The following LRRTM4 variants were observed in gnomAD, a reference collection of about 807,000 sequenced individuals.
The protein encoded by LRRTM4 is leucine rich repeat transmembrane neuronal 4, also known as leucine-rich repeat transmembrane neuronal protein 4.
Under a neutral mutation model 47.6 loss-of-function variants are expected in LRRTM4, and 25 were observed. The ratio of observed to expected loss-of-function variants is 0.53; its 90% CI spans 0.38 to 0.73. The LOEUF (loss-of-function observed/expected upper bound fraction) is 0.73, where lower values mean the gene tolerates loss of function less well. LRRTM4 is among the 30% of genes least tolerant of loss of function. The pLI is 0.00. For missense variants in LRRTM4, 638 were observed against 713.4 expected (o/e 0.89, Z 1.20); for synonymous variants, 311 against 269.5 (o/e 1.15, Z -1.51).
At chr2:76,797,586 T>A (rs1675410192) in intron 3 of LRRTM4, among the ~76,000 whole-genome samples, 1 of 151,286 alleles carries the variant, frequency 6.6e-6, no homozygotes, top group Non-Finnish European at 1.5e-5. Context: ...GCTAACATCA[T>A]AATGACAGGA....
At chr2:77,021,106 C>CTGTG (rs1678252102) in intron 3 of LRRTM4, among the ~76,000 whole-genome samples, 1 of 117,400 alleles carries the variant, frequency 8.5e-6, no homozygotes. Context: ...ATCTATCTAT[C>CTGTG]TATGTATCTA....
chr2:76,972,634 G>T lies in LRRTM4; in HGVS notation c.1552-223718C>A, dbSNP rs76833766. Among the ~76,000 whole-genome samples, 155 of 151,910 alleles carry T rather than the reference G, an allele frequency of 1.0e-3. 4 individuals carry two copies. In the East Asian group the frequency reaches 0.029, roughly 29 times the overall value. On this transcript the variant is annotated intron_variant, in intron 3 of 3. Coordinates refer to ENST00000409884, the MANE Select transcript of LRRTM4 (RefSeq NM_001134745.3). ...GGTTTTCACCATATTGGTCAGACTG[G>T]TCGACTCGAACTCCTGACCTCGTGA...
intron 3 of LRRTM4, among the ~76,000 whole-genome samples, chr2:77,451,744 T>C (rs1475036746): frequency 6.6e-6 from 1 of 152,134 alleles, no homozygotes. Context: ...AGGGTGATAA[T>C]TACTTTAAAT....
chr2:77,475,106 T>A (rs565877672), intron 3 of LRRTM4, among the ~76,000 whole-genome samples: 3 of 152,162 alleles, frequency 2.0e-5, no homozygotes, highest in African/African-American at 7.2e-5. Context: ...AGAAAATGTA[T>A]GTTGAGGGGA....
chr2:76,921,444 CT>C (rs769054124), intron 3 of LRRTM4, among the ~76,000 whole-genome samples: 8 of 151,932 alleles, frequency 5.3e-5, no homozygotes, highest in Non-Finnish European at 1.2e-4. Flanking sequence ...GTGAAGTTAC[CT>C]TTCCCCCTTT....
chr2:77,290,070 A>G (rs1202579328), intron 3 of LRRTM4, among the ~76,000 whole-genome samples: 1 of 151,986 alleles, frequency 6.6e-6, no homozygotes, highest in Non-Finnish European at 1.5e-5. Flanking sequence ...CTAAAACAGG[A>G]TAAAAATCAA....
chr2:77,148,203 A>G (rs965668394), intron 3 of LRRTM4, among the ~76,000 whole-genome samples: 2 of 152,160 alleles, frequency 1.3e-5, no homozygotes, highest in Admixed American at 1.3e-4. Context: ...ATAGGTAATT[A>G]GCTTTTCCTT....
chr2:77,411,596 G>A (rs1352662093), intron 3 of LRRTM4, among the ~76,000 whole-genome samples: 2 of 144,824 alleles, frequency 1.4e-5, no homozygotes, highest in African/African-American at 5.2e-5. Context: ...GAGACAACAG[G>A]CCCCCGCCAC....
At chr2:77,079,082 G>C (rs1680443043) in intron 3 of LRRTM4, among the ~76,000 whole-genome samples, 1 of 152,120 alleles carries the variant, frequency 6.6e-6, no homozygotes, top group Non-Finnish European at 1.5e-5. Context: ...TCACATTGAG[G>C]GTCAGGATTT....
In LRRTM4 at chr2:77,276,388, AGGAG is replaced by A. The variant is rs536342544; in HGVS notation, c.1551+241926_1551+241929del. 1.3e-3 allele frequency among the ~76,000 whole-genome samples: 186 copies of A among 138,756 alleles called. 2 individuals carry two copies. The highest frequency in any genetic ancestry group is 4.8e-3 in the African/African-American group (176 of 36,678). The allele number at this position is 138,756 out of a possible 152,430, so 91.0% of individuals were successfully genotyped here. On this transcript the variant is annotated intron_variant, in intron 3 of 3. Coordinates refer to ENST00000409884, the MANE Select transcript of LRRTM4 (RefSeq NM_001134745.3). ...GAGAAGGAAGGAAGGAAGGGAGGGA[AGGAG>A]GGAGGGAGGGGAAAAGAAGGAAGGA...
rs774697360 is a variant in LRRTM4, at chr2:77,306,897, A to ATTTTTTTTTTTTTTTTTTTTTTTTTTTT, written c.1551+211420_1551+211421insAAAAAAAAAAAAAAAAAAAAAAAAAAAA. Among the ~76,000 whole-genome samples, 14 of 112,418 alleles carry ATTTTTTTTTTTTTTTTTTTTTTTTTTTT rather than the reference A, an allele frequency of 1.2e-4. 2 individuals carry two copies. Among genetic ancestry groups the ATTTTTTTTTTTTTTTTTTTTTTTTTTTT allele is most frequent in the East Asian group, 7.8e-4 (3 of 3,842 alleles). 73.8% of individuals were successfully genotyped at this position (112,418 alleles called of 152,430 possible). ...AAATAGCTATATACTGCTTTTCCATATTTTTTTTTTTTTTTTTTTTGAGAT... is the reference window on the plus strand; with the variant it reads ...AAATAGCTATATACTGCTTTTCCATATTTTTTTTTTTTTTTTTTTTTTTTTTTTTTTTTTTTTTTTTTTTTTTTGAGAT... On this transcript the variant is annotated intron_variant, in intron 3 of 3. Coordinates refer to ENST00000409884, the MANE Select transcript of LRRTM4 (RefSeq NM_001134745.3).
intron 3 of LRRTM4, among the ~76,000 whole-genome samples, chr2:76,799,427 A>G (rs1038015084): frequency 2.3e-5 from 3 of 127,810 alleles, no homozygotes; most frequent in Admixed American, 2.3e-4. Context: ...ACTCTCAATA[A>G]ATTAGGTATT....
At chr2:77,137,695 T>G (rs1050885656) in intron 3 of LRRTM4, among the ~76,000 whole-genome samples, 1 of 151,650 alleles carries the variant, frequency 6.6e-6, no homozygotes, top group Non-Finnish European at 1.5e-5. Context: ...GGAAAAAGAG[T>G]CAAGACCCAT....
At chr2:76,808,277 C>T (rs1670618701) in intron 3 of LRRTM4, among the ~76,000 whole-genome samples, 1 of 151,990 alleles carries the variant, frequency 6.6e-6, no homozygotes, top group Non-Finnish European at 1.5e-5. Context: ...CTTGACCTCC[C>T]AAAGTGCTGG....
At chr2:77,249,596 G>C (rs2861014) in intron 3 of LRRTM4, among the ~76,000 whole-genome samples, 104,324 of 151,954 alleles carry the variant, frequency 0.69, 36,438 homozygotes, top group African/African-American at 0.83. Flanking sequence ...TAAGAAAATG[G>C]AAATTAAAAC....
chr2:76,932,835 T>C (rs754205693), intron 3 of LRRTM4, among the ~76,000 whole-genome samples: 1 of 152,114 alleles, frequency 6.6e-6, no homozygotes, highest in Non-Finnish European at 1.5e-5. Context: ...GTTCTTTTTT[T>C]GGTATTTAAT....
intron 3 of LRRTM4, among the ~76,000 whole-genome samples, chr2:76,906,484 T>G (rs1002572114): frequency 3.3e-5 from 5 of 151,764 alleles, no homozygotes; most frequent in African/African-American, 7.3e-5. Flanking sequence ...AGGATCAAAT[T>G]CACACATAAG....
intron 3 of LRRTM4, among the ~76,000 whole-genome samples, chr2:76,887,172 T>C (rs1397362658): frequency 6.6e-6 from 1 of 151,678 alleles, no homozygotes; most frequent in Non-Finnish European, 1.5e-5. Flanking sequence ...CATAAAGAAG[T>C]ATACATTATT....
At chr2:77,475,174 A>C (rs767383843) in intron 3 of LRRTM4, among the ~76,000 whole-genome samples, 1 of 152,068 alleles carries the variant, frequency 6.6e-6, no homozygotes, top group Non-Finnish European at 1.5e-5. Context: ...CTAATATACC[A>C]AGTGTGTTTT....
Sources: gnomAD v4.1 joint callset for allele counts (sites outside exome capture counted in the v4.1 genomes callset) on GRCh38, gnomAD v4.1.1 for gene constraint, MANE v1.5 for transcripts, NCBI Gene and HGNC (gene_info 2026-07-23, HGNC 2026-07-21) for gene names.